Variants in RICTOR observed in about 807,000 individuals in gnomAD.
RICTOR encodes RPTOR independent companion of MTOR complex 2, also known as rapamycin-insensitive companion of mTOR.
RICTOR carries 49 observed loss-of-function variants against 214.9 expected under a neutral mutation model. That is an observed-to-expected ratio of 0.23 (90% CI 0.18 to 0.29). The LOEUF (loss-of-function observed/expected upper bound fraction) is 0.29, where lower values mean the gene tolerates loss of function less well. Among genes scored for constraint, RICTOR ranks in the 10% least tolerant of loss-of-function variants. RICTOR has a pLI of 1.00. For missense variants in RICTOR, 1,625 were observed against 2,047.0 expected, an observed-to-expected ratio of 0.79 and a Z score of 3.98; for synonymous variants, 717 against 711.3, an observed-to-expected ratio of 1.01 and a Z score of -0.13.
At chr5:38,981,345 T>C (rs924802898) in intron 8 of RICTOR, 2 of 154,060 alleles carry the variant, frequency 1.3e-5, no homozygotes, top group South Asian at 2.0e-4. Context: ...TTATAAGGTA[T>C]ACAGTAGCCC....
intron 25 of RICTOR, among the ~76,000 whole-genome samples, chr5:38,956,918 T>C (rs1749310058): frequency 6.6e-6 from 1 of 152,126 alleles, no homozygotes. Flanking sequence ...TTATGAAATA[T>C]GGTTCAATAT....
intron 2 of RICTOR, among the ~76,000 whole-genome samples, chr5:39,051,399 TAGACTC>T (rs1320805292): frequency 1.3e-5 from 2 of 152,158 alleles, no homozygotes; most frequent in South Asian, 2.1e-4. Context: ...TAAAAAAAGT[TAGACTC>T]AGAAAACTTA....
At chr5:39,004,290 A>AT (rs543931373) in intron 3 of RICTOR, among the ~76,000 whole-genome samples, 15 of 147,816 alleles carry the variant, frequency 1.0e-4, no homozygotes, top group African/African-American at 1.7e-4. Flanking sequence ...TCTGGAAATA[A>AT]TTTTTTTTTT....
At chr5:39,025,060 A>G (rs1755707195) in intron 2 of RICTOR, among the ~76,000 whole-genome samples, 1 of 152,080 alleles carries the variant, frequency 6.6e-6, no homozygotes, top group South Asian at 2.1e-4. Flanking sequence ...GGTGATGATA[A>G]CTCAACAATG....
At chr5:39,036,954 G>A (rs1259364351) in intron 2 of RICTOR, among the ~76,000 whole-genome samples, 2 of 152,102 alleles carry the variant, frequency 1.3e-5, no homozygotes, top group Non-Finnish European at 2.9e-5. Context: ...ACTCAGCTCT[G>A]CACCAAGCAG....
intron 2 of RICTOR, among the ~76,000 whole-genome samples, chr5:39,047,317 G>A (rs1757560991): frequency 6.6e-6 from 1 of 152,034 alleles, no homozygotes; most frequent in Non-Finnish European, 1.5e-5. Context: ...TCATAAGGAG[G>A]GCACGACCTA....
chr5:39,064,625 C>T (rs1758773939), intron 2 of RICTOR, among the ~76,000 whole-genome samples: 1 of 152,174 alleles, frequency 6.6e-6, no homozygotes, highest in Non-Finnish European at 1.5e-5. Context: ...CAGTCTTATT[C>T]TTGGTAGCCT....
Position 38,957,723 on chromosome 5 carries a change from A to T in RICTOR, c.2428T>A (p.Ser810Thr), listed in dbSNP as rs951428147. 6.4e-7 allele frequency: 1 copy of T among 1,569,352 alleles called. No homozygotes were observed. Among genetic ancestry groups the T allele is most frequent in the African/African-American group, 1.4e-5 (1 of 73,448 alleles). Residue 810 changes from serine to threonine, a missense_variant, in exon 25 of 38, where the codon TCC (serine) becomes ACC (threonine). By Grantham distance (58) the Ser-to-Thr change is moderately conservative. This residue lies in a region of RICTOR where 1,214 missense variants were observed against 1,470.5 expected (regional missense o/e 0.83). Transcript: ENST00000357387. ...KGLLLLLRFL[S>T]IPKGFSYLNE... ...AGATAGGAAAATCCTTTTGGAATGG[A>T]GAGAAATCTGCAAATTAAAACAAGC...
chr5:39,062,044 C>T (rs987412024), intron 2 of RICTOR, among the ~76,000 whole-genome samples: 3 of 151,958 alleles, frequency 2.0e-5, no homozygotes, highest in African/African-American at 7.2e-5. Context: ...TCTTATATAA[C>T]ATATGAAATC....
chr5:38,984,995 G>A (rs1579998050), intron 7 of RICTOR, among the ~76,000 whole-genome samples: 2 of 152,238 alleles, frequency 1.3e-5, no homozygotes, highest in East Asian at 3.9e-4. Flanking sequence ...TTTTAGTAGA[G>A]ACGGGGTTTC....
At chr5:39,018,256 G>T (rs1292400430) in intron 3 of RICTOR, among the ~76,000 whole-genome samples, 1 of 152,010 alleles carries the variant, frequency 6.6e-6, no homozygotes, top group African/African-American at 2.4e-5. Context: ...CCCACAATTT[G>T]GGCTCTAATT....
At position 38,952,401 on chromosome 5, in the gene RICTOR, G is replaced by A. The variant is rs149905992; in HGVS notation, c.2922C>T (p.Leu974=). 136 of 1,611,342 alleles carry A rather than the reference G, an allele frequency of 8.4e-5. 3 individuals are homozygous for A. The highest frequency in any genetic ancestry group is 6.5e-4 in the East Asian group (29 of 44,854). The part of the protein sequence containing the change: ...IRGTCVYVLG[L]IAKTKQGCDI... ...CACAGCCTTGTTTGGTTTTAGCTATGAGCCCAAGTACATATACACAGGTCC... is the reference window on the plus strand; with the variant it reads ...CACAGCCTTGTTTGGTTTTAGCTATAAGCCCAAGTACATATACACAGGTCC... The change falls in exon 30 of 38, where the codon CTC becomes CTT. Residue 974 remains leucine (L), a synonymous_variant. Coordinates refer to ENST00000357387, the MANE Select transcript of RICTOR (RefSeq NM_152756.5).
chr5:38,945,105 T>C (rs1748037070), intron 34 of RICTOR, 37 bp from the exon 35 acceptor site: 2 of 1,429,060 alleles, frequency 1.4e-6, no homozygotes, highest in South Asian at 1.2e-5. Flanking sequence ...TAAAGCACCA[T>C]AACGGCTTAA....
chr5:38,990,576 T>TATACACGATATATACACGATATATAC (rs1491289561), intron 7 of RICTOR, among the ~76,000 whole-genome samples: 6 of 134,642 alleles, frequency 4.5e-5, no homozygotes, highest in Non-Finnish European at 6.3e-5. Flanking sequence ...ACGATATATA[T>TATACACGATATATACACGATATATAC]GATATATACA....
intron 3 of RICTOR, among the ~76,000 whole-genome samples, chr5:39,018,541 C>T (rs775566232): frequency 1.6e-4 from 24 of 152,162 alleles, no homozygotes; most frequent in Admixed American, 3.3e-4. Context: ...TCTTACAATA[C>T]TAAAAATGTT....
At chr5:38,974,827 A>G (rs16867919) in intron 10 of RICTOR, among the ~76,000 whole-genome samples, 25,257 of 152,156 alleles carry the variant, frequency 0.17, 2,377 homozygotes, top group East Asian at 0.27. Context: ...TGGAAAAGGT[A>G]TTTTTAAGTT....
At chr5:38,975,823 G>A (rs890220874) in intron 9 of RICTOR, among the ~76,000 whole-genome samples, 3 of 152,126 alleles carry the variant, frequency 2.0e-5, no homozygotes, top group African/African-American at 7.2e-5. Context: ...CATAAATTCT[G>A]CTTTTCTACT....
intron 11 of RICTOR, chr5:38,969,645 T>G (rs1164392564): frequency 9.9e-5 from 15 of 151,672 alleles, no homozygotes; most frequent in Admixed American, 9.9e-4. Context: ...GTAAGTAGCC[T>G]ATATAGGTGC....
At position 39,006,369 on chromosome 5, in the gene RICTOR, G is replaced by A. The variant is rs573959557; in HGVS notation, c.196-2747C>T. Among the ~76,000 whole-genome samples, 10 of 152,192 alleles carry A rather than the reference G, an allele frequency of 6.6e-5. No homozygotes were observed. In the South Asian group the frequency reaches 1.2e-3, roughly 19 times the overall value. Reference sequence around the variant, plus strand: ...AATCTAGATATGAGTCTGGAGAATTGACTTTTACCTAAAAGTTACATATAA... The same window carrying A: ...AATCTAGATATGAGTCTGGAGAATTAACTTTTACCTAAAAGTTACATATAA... On this transcript the variant is annotated intron_variant, in intron 3 of 37. Coordinates refer to ENST00000357387, the MANE Select transcript of RICTOR (RefSeq NM_152756.5).
Sources: allele counts gnomAD v4.1 joint callset (sites outside exome capture counted in the v4.1 genomes callset), GRCh38; gene constraint gnomAD v4.1.1; regional missense constraint gnomAD v4.1.1; transcripts MANE v1.5; gene names NCBI Gene and HGNC (gene_info 2026-07-23, HGNC 2026-07-21).